ARHGAP25: variants seen among roughly 807,000 people sequenced by gnomAD.
ARHGAP25 encodes the protein rho GTPase-activating protein 25.
A neutral mutation model predicts 71.0 loss-of-function variants in ARHGAP25; 34 were observed. That is an observed-to-expected ratio of 0.48 (90% CI 0.36 to 0.64). The LOEUF (loss-of-function observed/expected upper bound fraction) is 0.64. ARHGAP25 is among the 30% of genes least tolerant of loss of function. ARHGAP25 has a pLI of 0.00. For missense variants in ARHGAP25, 706 were observed against 805.1 expected, an observed-to-expected ratio of 0.88 and a Z score of 1.49; for synonymous variants, 282 against 296.5, an observed-to-expected ratio of 0.95 and a Z score of 0.50.
intron 2 of ARHGAP25, among the ~76,000 whole-genome samples, chr2:68,720,146 C>T (rs1260326428): frequency 6.6e-6 from 1 of 151,910 alleles, no homozygotes; most frequent in East Asian, 1.9e-4. Flanking sequence ...GGGAAGGTCT[C>T]CATCTTCAAA....
At chr2:68,756,774 A>G (rs1676504409) in intron 1 of ARHGAP25, among the ~76,000 whole-genome samples, 1 of 152,184 alleles carries the variant, frequency 6.6e-6, no homozygotes, top group African/African-American at 2.4e-5. Context: ...ATAAAAAGAA[A>G]CAAAAACGTA....
chr2:68,781,561 C>A (rs1464630942), intron 2 of ARHGAP25, among the ~76,000 whole-genome samples: 1 of 152,126 alleles, frequency 6.6e-6, no homozygotes, highest in South Asian at 2.1e-4. Flanking sequence ...GTGGTGGGAC[C>A]ATTTCCCACC....
In ARHGAP25 at chr2:68,807,412, T is replaced by C; in HGVS notation, c.606T>C (p.Pro202=). 1 of 1,614,254 alleles carries C rather than the reference T, an allele frequency of 6.2e-7. No homozygotes were observed. Among genetic ancestry groups the C allele is most frequent in the Non-Finnish European group, 8.5e-7 (1 of 1,180,044 alleles). Residue 202 remains proline, a synonymous_variant, in exon 5 of 11, where the codon CCT becomes CCC. Coordinates refer to ENST00000409202, the MANE Select transcript of ARHGAP25 (RefSeq NM_001007231.3). The stretch of plus-strand genomic sequence containing the variant: ...ATGAAGAGGGCATCTTCCGTCTGCC[T>C]GGGCAGGACAACCTGGTGAAGCAGC... ...GRNEEGIFRL[P]GQDNLVKQLR... is the part of the protein sequence containing the mutation.
At position 68,775,315 on chromosome 2, in the gene ARHGAP25, G is replaced by A; in HGVS notation, c.156G>A (p.Trp52Ter). The A allele has an allele frequency of 6.2e-7, 1 of 1,614,240 alleles. No homozygotes were observed. Among genetic ancestry groups the A allele is most frequent in the Non-Finnish European group, 8.5e-7 (1 of 1,180,046 alleles). Residue 52 changes from tryptophan to a stop codon, truncating the protein, a stop_gained, in exon 2 of 11, where the codon TGG (tryptophan) becomes TGA (stop). Transcript: ENST00000409202. LOFTEE classifies it high-confidence loss of function. The part of the protein sequence containing the change: ...NPLERPIKMG[W>*]LKKQRSIVKN... Reference sequence around the variant, plus strand: ...TGGAGAGGCCCATCAAGATGGGCTGGCTGAAGAAGCAGAGGTCCATCGTGA... The same window carrying A: ...TGGAGAGGCCCATCAAGATGGGCTGACTGAAGAAGCAGAGGTCCATCGTGA...
In ARHGAP25 at chr2:68,805,203, C is replaced by T. The variant is rs115493677; in HGVS notation, c.467-2070C>T. On this transcript the variant is annotated intron_variant, in intron 4 of 10. Transcript: ENST00000409202. ...AGGACATGGAGACTGCAGAGCATTA[C>T]GTTTTGGAAACGTCAGTGTGAGTTG... 3.3e-3 allele frequency among the ~76,000 whole-genome samples: 502 copies of T among 152,238 alleles called. 2 individuals carry two copies. Among genetic ancestry groups the T allele is most frequent in the African/African-American group, 0.011 (464 of 41,538 alleles).
At chr2:68,818,478 C>G (rs1172128291) in intron 8 of ARHGAP25, among the ~76,000 whole-genome samples, 1 of 152,174 alleles carries the variant, frequency 6.6e-6, no homozygotes, top group African/African-American at 2.4e-5. Context: ...CAGGCATAAA[C>G]CCCCACACCC....
At chr2:68,715,307 G>A (rs1674582600) in intron 2 of ARHGAP25, among the ~76,000 whole-genome samples, 1 of 152,170 alleles carries the variant, frequency 6.6e-6, no homozygotes, top group Non-Finnish European at 1.5e-5. Flanking sequence ...AGCAACCCAT[G>A]TGCTATTTTA....
intron 2 of ARHGAP25, among the ~76,000 whole-genome samples, chr2:68,723,715 C>T (rs1044243055): frequency 1.3e-5 from 2 of 152,140 alleles, no homozygotes; most frequent in East Asian, 1.9e-4. Flanking sequence ...AGTATACCAA[C>T]GTGGAATGAA....
chr2:68,781,359 C>T (rs2104388232), intron 2 of ARHGAP25, among the ~76,000 whole-genome samples: 1 of 152,290 alleles, frequency 6.6e-6, no homozygotes, highest in Middle Eastern at 3.4e-3. Context: ...CACTGCACTC[C>T]AGCCTGGGCA....
Position 68,817,862 on chromosome 2 carries a change from G to A in ARHGAP25, c.882-11G>A. 5 of 1,613,462 alleles carry A rather than the reference G, an allele frequency of 3.1e-6. No individual in the cohort carries two copies. The highest frequency in any genetic ancestry group is 4.2e-6 in the Non-Finnish European group (5 of 1,179,600). ...CTGCTTTCTACCATGGGATTTCTTG[G>A]CTGTCTGTAGGTTCCTACATGAAAT... On this transcript the variant is annotated splice_polypyrimidine_tract_variant and intron_variant, in intron 7 of 10. Coordinates refer to ENST00000409202, the MANE Select transcript of ARHGAP25 (RefSeq NM_001007231.3).
upstream of ARHGAP25, among the ~76,000 whole-genome samples, chr2:68,733,959 T>C (rs1160611048): frequency 6.6e-6 from 1 of 152,228 alleles, no homozygotes; most frequent in African/African-American, 2.4e-5. Flanking sequence ...TCAAGAAACT[T>C]GTCCATAGTC....
chr2:68,801,020 C>T (rs1004400805), intron 4 of ARHGAP25, among the ~76,000 whole-genome samples: 1 of 152,042 alleles, frequency 6.6e-6, no homozygotes, highest in Non-Finnish European at 1.5e-5. Flanking sequence ...TAACTCAGGA[C>T]CAGGTCTTTG....
chr2:68,777,645 G>T lies in ARHGAP25; in HGVS notation c.261+2225G>T, dbSNP rs1678019089. ...TTGATATAATACATCGGATCAATAG[G>T]TCAAGTAAGCAAAACCACACAACCC... On this transcript the variant is annotated intron_variant, in intron 2 of 10. Coordinates refer to ENST00000409202, the MANE Select transcript of ARHGAP25 (RefSeq NM_001007231.3). Among the ~76,000 whole-genome samples the T allele has an allele frequency of 1.3e-5, 2 of 152,072 alleles. 1 individual carries two copies. The highest frequency in any genetic ancestry group is 4.1e-4 in the South Asian group (2 of 4,830).
rs532628530 is a variant in ARHGAP25 at position 68,784,194 on chromosome 2, A to T, written c.349+1874A>T. Among the ~76,000 whole-genome samples the T allele has an allele frequency of 1.4e-3, 215 of 151,938 alleles. 1 individual carries two copies. Among genetic ancestry groups the T allele is most frequent in the African/African-American group, 5.0e-3 (208 of 41,384 alleles). On this transcript the variant is annotated intron_variant, in intron 3 of 10. Transcript: ENST00000409202. ...CTCTCTTTCTCTCTCTCTCTCTCAC[A>T]CACACACACACACACCACATCTCAT...
chr2:68,773,063 G>T (rs1677589859), intron 1 of ARHGAP25, among the ~76,000 whole-genome samples: 1 of 152,180 alleles, frequency 6.6e-6, no homozygotes. Flanking sequence ...ACTGCCAGAT[G>T]GAACCAGGTA....
chr2:68,750,033 G>A lies in ARHGAP25; in HGVS notation c.61+14773G>A, dbSNP rs144440690. ...AAATTTTATTTTTTAAAGAGACAGG[G>A]TCTTGCTCTGTCGCCCAGTCTGGAG... is the stretch of plus-strand genomic sequence containing the variant. On this transcript the variant is annotated intron_variant, in intron 1 of 10. Transcript: ENST00000409202. Among the ~76,000 whole-genome samples, 213 of 152,222 alleles carry A rather than the reference G, an allele frequency of 1.4e-3. 8 individuals are homozygous for A. The East Asian group carries it at 0.037, about 26-fold the overall frequency.
Position 68,826,823 on chromosome 2 carries a change from T to TA in ARHGAP25, c.*639dup, listed in dbSNP as rs138869396. ...AATTATATTCAAATAAAGCAAAAAT[T>TA]AAAAAAAAAAGGCTATTGCTAATCC... On this transcript the variant is annotated 3_prime_UTR_variant, in exon 11 of 11. Coordinates refer to ENST00000409202, the MANE Select transcript of ARHGAP25 (RefSeq NM_001007231.3). The TA allele has an allele frequency of 0.032, 4,878 of 150,324 alleles. 239 individuals are homozygous for TA. Among genetic ancestry groups the TA allele is most frequent in the African/African-American group, 0.11 (4,495 of 40,486 alleles). 9.3% of individuals were successfully genotyped at this position (150,324 alleles called of 1,614,324 possible).
In ARHGAP25 at chr2:68,826,177, C is replaced by T; in HGVS notation, c.1924C>T (p.Pro642Ser). 6.2e-7 allele frequency: 1 copy of T among 1,614,144 alleles called. No individual in the cohort carries two copies. The highest frequency in any genetic ancestry group is 8.5e-7 in the Non-Finnish European group (1 of 1,180,016). Residue 642 changes from proline to serine, a missense_variant, in exon 11 of 11, where the codon CCC becomes TCC. Physicochemically the swap from Pro to Ser is moderately conservative, Grantham distance 74 (BLOSUM62 -1). Transcript: ENST00000409202. The part of the protein sequence containing the change: ...VKEFVKSMKE[P>S]KTEA ...GGAATTTGTCAAATCCATGAAGGAA[C>T]CCAAGACCGAGGCTTAAGGGTCCCA...
chr2:68,774,676 G>T, intron 1 of ARHGAP25: 1 of 913,900 alleles, frequency 1.1e-6, no homozygotes, highest in Non-Finnish European at 1.3e-6. Flanking sequence ...CCGCTGGAGG[G>T]GGCCTGCGTT....
Sources: gnomAD v4.1 joint callset for allele counts (sites outside exome capture counted in the v4.1 genomes callset) on GRCh38, gnomAD v4.1.1 for gene constraint, MANE v1.5 for transcripts, NCBI Gene and HGNC (gene_info 2026-07-23, HGNC 2026-07-21) for gene names.